The following DDX50 variants were observed in gnomAD, a reference collection of about 807,000 sequenced individuals.
DDX50 encodes the protein DExD-box helicase 50, also known as ATP-dependent RNA helicase DDX50.
In DDX50, 56 loss-of-function variants were observed where a neutral mutation model predicts 94.8. That is an observed-to-expected ratio of 0.59 (90% confidence interval 0.48 to 0.74). DDX50 has a LOEUF of 0.74. Among genes scored for constraint, DDX50 ranks in the 30% least tolerant of loss-of-function variants. The probability of loss-of-function intolerance (pLI) is 0.00; values close to 1 mark genes in which losing one functional copy is unlikely to be tolerated. For missense variants in DDX50, 713 were observed against 881.2 expected (o/e 0.81, Z 2.42); for synonymous variants, 264 against 295.4 (o/e 0.89, Z 1.09).
intron 14 of DDX50, among the ~76,000 whole-genome samples, chr10:68,946,035 T>C (rs937477635): frequency 8.6e-5 from 13 of 151,916 alleles, no homozygotes; most frequent in African/African-American, 2.9e-4. Flanking sequence ...AGTATTAGAA[T>C]AGAATGTATA....
intron 8 of DDX50, among the ~76,000 whole-genome samples, chr10:68,930,732 G>A (rs1270634284): frequency 6.0e-4 from 91 of 152,014 alleles, no homozygotes; most frequent in Non-Finnish European, 1.0e-4. Context: ...TGGCTTATTG[G>A]AGCCTCAACT....
intron 11 of DDX50, 75 bp from the exon 12 acceptor site, chr10:68,936,861 T>C (rs1842434275): frequency 2.1e-6 from 3 of 1,450,086 alleles, no homozygotes; most frequent in Non-Finnish European, 2.8e-6. Context: ...AATTACTCCT[T>C]CTTTTTCCCA....
At chr10:68,909,767 A>G (rs765899426) in intron 2 of DDX50, among the ~76,000 whole-genome samples, 2 of 152,116 alleles carry the variant, frequency 1.3e-5, no homozygotes, top group Admixed American at 6.5e-5. Flanking sequence ...GGTTCAAGCA[A>G]TTATCCTGCC....
chr10:68,917,069 C>G (rs1841815630), intron 7 of DDX50, among the ~76,000 whole-genome samples: 1 of 152,020 alleles, frequency 6.6e-6, no homozygotes, highest in African/African-American at 2.4e-5. Context: ...AATCTGGATC[C>G]AAATACAATT....
chr10:68,914,063 T>C lies in DDX50; in HGVS notation c.948T>C (p.Ser316=). The C allele has an allele frequency of 6.3e-7, 1 of 1,587,884 alleles. No individual in the cohort carries two copies. Among genetic ancestry groups the C allele is most frequent in the Non-Finnish European group, 8.5e-7 (1 of 1,172,956 alleles). Residue 316 remains serine (S), a synonymous_variant, in exon 7 of 15, where the codon TCT becomes TCC. Coordinates refer to ENST00000373585, the MANE Select transcript of DDX50 (RefSeq NM_024045.2). ...DIIHESYKTD[S]EDNPQTLLFS... is the part of the protein sequence containing the mutation. ...AATTCTTTTTGTTTATTTAAGATTC[T>C]GAAGACAATCCTCAGACTTTACTTT...
At chr10:68,910,529 A>AG in intron 3 of DDX50, 147 bp downstream of exon 3, 2 of 582,556 alleles carry the variant, frequency 3.4e-6, no homozygotes, top group Non-Finnish European at 5.8e-6. Flanking sequence ...CAGCCTGCTG[A>AG]GTAGTTGGGA....
At chr10:68,911,031 T>G (rs1221453138) in intron 3 of DDX50, 37 bp from the exon 4 acceptor site, 1 of 1,373,280 alleles carries the variant, frequency 7.3e-7, no homozygotes, top group Non-Finnish European at 9.6e-7. Context: ...CTAATGCTAG[T>G]CGTAAAGAAG....
intron 8 of DDX50, among the ~76,000 whole-genome samples, chr10:68,920,579 T>G (rs899139005): frequency 6.6e-6 from 1 of 152,112 alleles, no homozygotes; most frequent in Non-Finnish European, 1.5e-5. Flanking sequence ...TTTAGAGTTG[T>G]GTTACAAAAC....
chr10:68,923,039 T>G (rs1444578217), intron 8 of DDX50, among the ~76,000 whole-genome samples: 1 of 147,564 alleles, frequency 6.8e-6, no homozygotes, highest in East Asian at 2.0e-4. Context: ...TCTGCCCGCC[T>G]TGGCCTCCCA....
intron 4 of DDX50, among the ~76,000 whole-genome samples, chr10:68,912,697 T>A (rs1365554007): frequency 2.0e-5 from 3 of 152,250 alleles, no homozygotes; most frequent in Non-Finnish European, 4.4e-5. Context: ...ATAATTCCTG[T>A]AAAGCATTAG....
chr10:68,946,186 GAA>G (rs1187518352), intron 14 of DDX50, among the ~76,000 whole-genome samples, 164 bp from the exon 15 acceptor site: 1 of 152,052 alleles, frequency 6.6e-6, no homozygotes, highest in Non-Finnish European at 1.5e-5. Context: ...CTCGAAAATT[GAA>G]AATATTTTTG....
chr10:68,939,252 C>T (rs1842497461), intron 12 of DDX50, among the ~76,000 whole-genome samples: 1 of 152,010 alleles, frequency 6.6e-6, no homozygotes, highest in Non-Finnish European at 1.5e-5. Flanking sequence ...ATATCCTATC[C>T]CTAGTAACCC....
chr10:68,905,869 C>A (rs951091894), intron 1 of DDX50, among the ~76,000 whole-genome samples: 8 of 152,124 alleles, frequency 5.3e-5, no homozygotes, highest in African/African-American at 1.9e-4. Context: ...GCCAAGATTG[C>A]GCCACTGCAC....
chr10:68,922,413 T>C (rs1841965950), intron 8 of DDX50, among the ~76,000 whole-genome samples: 1 of 152,236 alleles, frequency 6.6e-6, no homozygotes, highest in Non-Finnish European at 1.5e-5. Context: ...AAAAGTTATC[T>C]TTTATTTCTA....
chr10:68,920,389 C>T (rs991175078), intron 8 of DDX50, among the ~76,000 whole-genome samples: 3 of 152,064 alleles, frequency 2.0e-5, no homozygotes, highest in Admixed American at 6.6e-5. Context: ...TCTTGAACTC[C>T]TGGGCTCAAG....
intron 1 of DDX50, among the ~76,000 whole-genome samples, chr10:68,903,924 C>T (rs570874874): frequency 4.8e-5 from 7 of 147,166 alleles, no homozygotes; most frequent in East Asian, 4.0e-4. Flanking sequence ...TGCAGTGAGC[C>T]GAGATCGCAC....
intron 14 of DDX50, among the ~76,000 whole-genome samples, chr10:68,945,420 C>T (rs1431568355): frequency 2.6e-5 from 4 of 152,070 alleles, no homozygotes; most frequent in African/African-American, 9.7e-5. Context: ...AATTCTCCTG[C>T]GTCAGCTTCC....
intron 2 of DDX50, among the ~76,000 whole-genome samples, chr10:68,909,418 C>T (rs1841560878): frequency 6.6e-6 from 1 of 152,176 alleles, no homozygotes. Flanking sequence ...GTAACTTTCT[C>T]TTGTATTAGC....
chr10:68,934,231 G>A lies in DDX50; in HGVS notation c.1272G>A (p.Gln424=). 1.9e-6 allele frequency: 3 copies of A among 1,612,068 alleles called. No homozygotes were observed. The highest frequency in any genetic ancestry group is 2.5e-6 in the Non-Finnish European group (3 of 1,179,824). The change falls in exon 9 of 15, where the codon CAG becomes CAA. Residue 424 remains glutamine (Q), a synonymous_variant. Coordinates refer to ENST00000373585, the MANE Select transcript of DDX50 (RefSeq NM_024045.2). This position sits in a 1 kb window ranked among gnomAD's most constrained non-coding sequence, Gnocchi z 4.0. ...AGTGTTTACATGGGGACATTGCACA[G>A]TCACAAAGAGAAATTACACTAAAAG... The part of the protein sequence containing the change: ...NAQCLHGDIA[Q]SQREITLKGF...
Sources: gnomAD v4.1 joint callset for allele counts (sites outside exome capture counted in the v4.1 genomes callset) on GRCh38, gnomAD v4.1.1 for gene constraint, Gnocchi (gnomAD v3.1) non-coding constraint, MANE v1.5 for transcripts, NCBI Gene and HGNC (gene_info 2026-07-23, HGNC 2026-07-21) for gene names.